GRM8: variants seen among roughly 807,000 people sequenced by gnomAD.
GRM8 encodes glutamate metabotropic receptor 8, also known as metabotropic glutamate receptor 8.
Under a neutral mutation model 87.2 loss-of-function variants are expected in GRM8, and 47 were observed. That is an observed-to-expected ratio of 0.54 (90% CI 0.43 to 0.69). The LOEUF (loss-of-function observed/expected upper bound fraction) is 0.69, where lower values mean the gene tolerates loss of function less well. Among genes scored for constraint, GRM8 ranks in the 30% least tolerant of loss-of-function variants. The pLI is 0.00. For missense variants in GRM8, 1,019 were observed against 1,139.2 expected, an observed-to-expected ratio of 0.89 and a Z score of 1.52; for synonymous variants, 396 against 404.5, an observed-to-expected ratio of 0.98 and a Z score of 0.25.
At chr7:126,991,149 T>C (rs1350899893) in intron 3 of GRM8, among the ~76,000 whole-genome samples, 1 of 152,192 alleles carries the variant, frequency 6.6e-6, no homozygotes, top group African/African-American at 2.4e-5. Flanking sequence ...TAGACTGAAA[T>C]GACTGGCAGT....
At chr7:127,121,643 C>T (rs1279287064) in intron 2 of GRM8, among the ~76,000 whole-genome samples, 2 of 152,132 alleles carry the variant, frequency 1.3e-5, no homozygotes, top group Admixed American at 1.3e-4. Context: ...TGGGAGGCCT[C>T]AGGAAACTTA....
intron 3 of GRM8, among the ~76,000 whole-genome samples, chr7:126,980,749 C>A (rs1811439076): frequency 2.6e-5 from 4 of 152,146 alleles, no homozygotes; most frequent in African/African-American, 7.2e-5. Flanking sequence ...TCTTTCATTC[C>A]CAGTGGGCCA....
chr7:126,890,586 A>G (rs1166843406), intron 6 of GRM8, among the ~76,000 whole-genome samples: 6 of 151,936 alleles, frequency 3.9e-5, no homozygotes, highest in Non-Finnish European at 8.8e-5. Context: ...ACAGCCTCAA[A>G]CTACTGCCTC....
chr7:126,544,715 G>T (rs983232251), intron 8 of GRM8, among the ~76,000 whole-genome samples: 1 of 151,898 alleles, frequency 6.6e-6, no homozygotes, highest in Non-Finnish European at 1.5e-5. Flanking sequence ...TCACCATATT[G>T]GTCAGGCTGG....
intron 3 of GRM8, among the ~76,000 whole-genome samples, chr7:127,096,215 C>A (rs1422965112): frequency 6.6e-6 from 1 of 152,108 alleles, no homozygotes; most frequent in Non-Finnish European, 1.5e-5. Flanking sequence ...TATATTCAGG[C>A]CAGTAAGAAC....
At chr7:126,592,501 A>C (rs1028526370) in intron 8 of GRM8, among the ~76,000 whole-genome samples, 8 of 152,086 alleles carry the variant, frequency 5.3e-5, no homozygotes, top group Admixed American at 3.9e-4. Context: ...AATGTGATAC[A>C]TCACATTAAC....
chr7:126,818,329 C>T (rs1586061667), intron 6 of GRM8, among the ~76,000 whole-genome samples: 1 of 152,086 alleles, frequency 6.6e-6, no homozygotes, highest in Non-Finnish European at 1.5e-5. Context: ...CCCTAAAACC[C>T]GTTAAATCTA....
intron 2 of GRM8, among the ~76,000 whole-genome samples, chr7:127,163,141 T>C (rs576323532): frequency 6.6e-5 from 10 of 152,232 alleles, no homozygotes; most frequent in Non-Finnish European, 1.3e-4. Flanking sequence ...CTGGGTAATT[T>C]ACAAAGAAAA....
intron 3 of GRM8, among the ~76,000 whole-genome samples, chr7:126,984,287 T>C (rs146239904): frequency 0.024 from 3,712 of 152,234 alleles, 59 homozygotes; most frequent in Non-Finnish European, 0.037. Flanking sequence ...ATGGTTAATA[T>C]TGAGTGTCAA....
intron 7 of GRM8, among the ~76,000 whole-genome samples, chr7:126,611,745 T>C (rs573703782): frequency 6.6e-6 from 1 of 152,348 alleles, no homozygotes; most frequent in East Asian, 1.9e-4. Flanking sequence ...GATGAAATAA[T>C]GTAATTTGTA....
intron 7 of GRM8, among the ~76,000 whole-genome samples, chr7:126,757,467 G>A (rs537236908): frequency 5.9e-5 from 9 of 152,290 alleles, no homozygotes; most frequent in African/African-American, 9.6e-5. Flanking sequence ...TAACAACAAC[G>A]AAAAGCCGAA....
At chr7:126,838,599 A>T (rs1796006366) in intron 6 of GRM8, among the ~76,000 whole-genome samples, 1 of 152,182 alleles carries the variant, frequency 6.6e-6, no homozygotes. Context: ...TCTATATCCC[A>T]CATACTACTT....
At chr7:126,921,371 T>G (rs1023800407) in intron 3 of GRM8, among the ~76,000 whole-genome samples, 77 of 152,108 alleles carry the variant, frequency 5.1e-4, no homozygotes, top group African/African-American at 1.8e-3. Flanking sequence ...TTCAAGAGGC[T>G]TAACTTTCCA....
chr7:126,647,197 C>A (rs773376884), intron 7 of GRM8, among the ~76,000 whole-genome samples: 3 of 151,936 alleles, frequency 2.0e-5, no homozygotes, highest in Non-Finnish European at 2.9e-5. Flanking sequence ...TTAAGGCCAG[C>A]CTATGCAACA....
intron 3 of GRM8, among the ~76,000 whole-genome samples, chr7:126,927,004 AC>A (rs1428318480): frequency 6.6e-6 from 1 of 152,194 alleles, no homozygotes; most frequent in Non-Finnish European, 1.5e-5. Context: ...CAGAGTGTGA[AC>A]CCTTAGTAGT....
chr7:127,156,497 G>C (rs1163637089), intron 2 of GRM8, among the ~76,000 whole-genome samples: 1 of 152,178 alleles, frequency 6.6e-6, no homozygotes. Flanking sequence ...TTCTTATAAA[G>C]AGGCAGCAAA....
At chr7:127,070,568 C>T (rs1348494447) in intron 3 of GRM8, among the ~76,000 whole-genome samples, 4 of 152,010 alleles carry the variant, frequency 2.6e-5, no homozygotes, top group African/African-American at 7.2e-5. Flanking sequence ...CACCATAAAC[C>T]ATGATGTGTC....
chr7:126,660,604 G>C (rs1805057272), intron 7 of GRM8, among the ~76,000 whole-genome samples: 1 of 152,116 alleles, frequency 6.6e-6, no homozygotes, highest in South Asian at 2.1e-4. Flanking sequence ...GAAGTCTACT[G>C]ATTTCCCTGG....
At position 126,610,873 on chromosome 7, in the gene GRM8, A is replaced by G. The variant is rs558023066; in HGVS notation, c.1358-1375T>C. ...CTACAGACATCTGGTATCATCAGGA[A>G]CTGCTGAGGCTGCAAGAGATGGCAC... On this transcript the variant is annotated intron_variant, in intron 7 of 10. Coordinates refer to ENST00000339582, the MANE Select transcript of GRM8 (RefSeq NM_000845.3). Among the ~76,000 whole-genome samples the G allele has an allele frequency of 3.3e-5, 5 of 152,324 alleles. No individual in the cohort carries two copies. In the South Asian group the frequency reaches 1.0e-3, roughly 32 times the overall value.
Sources: allele counts gnomAD v4.1 joint callset (sites outside exome capture counted in the v4.1 genomes callset), GRCh38; gene constraint gnomAD v4.1.1; transcripts MANE v1.5; gene names NCBI Gene and HGNC (gene_info 2026-07-23, HGNC 2026-07-21).